KIAA1217: variants seen among roughly 807,000 people sequenced by gnomAD.
KIAA1217 encodes the protein sickle tail protein homolog.
In KIAA1217, 88 loss-of-function variants were observed where a neutral mutation model predicts 163.9. The observed-to-expected ratio is 0.54, with a 90% CI of 0.45 to 0.64. KIAA1217 has a LOEUF of 0.64. Among genes scored for constraint, KIAA1217 ranks in the 30% least tolerant of loss-of-function variants. The probability of loss-of-function intolerance (pLI) is 0.00; values close to 1 mark genes in which losing one functional copy is unlikely to be tolerated. For missense variants in KIAA1217, 2,372 were observed against 2,475.0 expected, an observed-to-expected ratio of 0.96 and a Z score of 0.88; for synonymous variants, 903 against 923.1, an observed-to-expected ratio of 0.98 and a Z score of 0.39.
chr10:23,904,805 C>T (rs111414713), intron 1 of KIAA1217, among the ~76,000 whole-genome samples: 2,291 of 152,108 alleles, frequency 0.015, 59 homozygotes, highest in African/African-American at 0.052. Flanking sequence ...ATCTTATTGA[C>T]CATTTAATCT....
intron 1 of KIAA1217, among the ~76,000 whole-genome samples, chr10:23,940,891 T>C (rs7917288): frequency 0.16 from 25,116 of 152,266 alleles, 4,605 homozygotes; most frequent in African/African-American, 0.46. Flanking sequence ...TTACAAACTC[T>C]TTCTGACTAC....
chr10:24,461,456 G>T (rs1016101843), intron 5 of KIAA1217, among the ~76,000 whole-genome samples: 1 of 152,134 alleles, frequency 6.6e-6, no homozygotes, highest in East Asian at 1.9e-4. Context: ...CCAGGTTCCA[G>T]CAATTCTCCT....
chr10:23,746,596 T>G (rs1839431031), intron 1 of KIAA1217, among the ~76,000 whole-genome samples: 1 of 151,978 alleles, frequency 6.6e-6, no homozygotes, highest in Admixed American at 6.6e-5. Context: ...GCTAATTTTT[T>G]GTATTTTTAG....
At chr10:24,345,035 C>A (rs1336189) in intron 2 of KIAA1217, among the ~76,000 whole-genome samples, 63,702 of 152,040 alleles carry the variant, frequency 0.42, 13,703 homozygotes, top group South Asian at 0.59. Flanking sequence ...TAGTTCCACA[C>A]CCCAGTCAGA....
intron 1 of KIAA1217, among the ~76,000 whole-genome samples, chr10:23,973,788 A>G (rs987280187): frequency 1.3e-5 from 2 of 151,784 alleles, no homozygotes; most frequent in Non-Finnish European, 2.9e-5. Flanking sequence ...TCTGTCAGCA[A>G]TTTTTTTCCT....
chr10:24,500,184 A>AGTTGT (rs113715645), intron 8 of KIAA1217, among the ~76,000 whole-genome samples: 1 of 143,158 alleles, frequency 7.0e-6, no homozygotes, highest in South Asian at 2.3e-4. Flanking sequence ...ACTGAACAGA[A>AGTTGT]GTGTGTGTGT....
intron 2 of KIAA1217, among the ~76,000 whole-genome samples, chr10:24,254,757 G>A (rs1217899221): frequency 1.3e-5 from 2 of 152,114 alleles, no homozygotes; most frequent in African/African-American, 4.8e-5. Flanking sequence ...TATGAATTAG[G>A]TAAAGATCTG....
intron 2 of KIAA1217, among the ~76,000 whole-genome samples, chr10:24,339,411 C>G (rs1275104030): frequency 6.6e-6 from 1 of 152,092 alleles, no homozygotes; most frequent in East Asian, 1.9e-4. Context: ...GGAAGGAAAT[C>G]CCATGTCACC....
intron 2 of KIAA1217, among the ~76,000 whole-genome samples, chr10:24,128,763 CTT>C (rs1589603577): frequency 6.6e-6 from 1 of 152,182 alleles, no homozygotes; most frequent in East Asian, 1.9e-4. Context: ...GTTTATCAAG[CTT>C]GAACTGGGAG....
intron 2 of KIAA1217, among the ~76,000 whole-genome samples, chr10:24,170,982 T>A (rs116316566): frequency 1.3e-5 from 2 of 152,314 alleles, no homozygotes; most frequent in South Asian, 4.1e-4. Context: ...CAAATTCCAA[T>A]GTTGTTTTCT....
rs1838959104 is a variant in KIAA1217 at position 23,739,021 on chromosome 10, G to T, written c.-321+43787G>T. Among the ~76,000 whole-genome samples, 5 of 152,082 alleles carry T rather than the reference G, an allele frequency of 3.3e-5. No homozygotes were observed. In the South Asian group the frequency reaches 1.0e-3, roughly 32 times the overall value. On this transcript the variant is annotated intron_variant, in intron 1 of 18. Coordinates refer to the KIAA1217 transcript ENST00000376462. The stretch of plus-strand genomic sequence containing the variant: ...TAAACTGAGAAGGTAAAGAATGATT[G>T]GATAAAGAAAATATGATATATATGC...
intron 1 of KIAA1217, among the ~76,000 whole-genome samples, chr10:24,215,649 C>T (rs184604070): frequency 6.6e-6 from 1 of 152,310 alleles, no homozygotes; most frequent in East Asian, 1.9e-4. Flanking sequence ...ACCACATTCT[C>T]CTTAAATGGC....
intron 6 of KIAA1217, among the ~76,000 whole-genome samples, chr10:24,487,501 G>A (rs2065563413): frequency 6.6e-6 from 1 of 152,244 alleles, no homozygotes; most frequent in South Asian, 2.1e-4. Flanking sequence ...CTATTTATTA[G>A]AGAGAATACC....
At chr10:24,471,500 A>G (rs1039151794) in intron 5 of KIAA1217, among the ~76,000 whole-genome samples, 1 of 152,056 alleles carries the variant, frequency 6.6e-6, no homozygotes, top group African/African-American at 2.4e-5. Flanking sequence ...TCCCTTGCTA[A>G]ACACAGTAAC....
At chr10:24,435,400 TC>T (rs1374101523) in intron 4 of KIAA1217, among the ~76,000 whole-genome samples, 1 of 152,226 alleles carries the variant, frequency 6.6e-6, no homozygotes, top group East Asian at 1.9e-4. Flanking sequence ...AGTAATATAA[TC>T]CCACATACTG....
At position 24,437,289 on chromosome 10, in the gene KIAA1217, G is replaced by A. The variant is rs191366609; in HGVS notation, c.753-1097G>A. The stretch of plus-strand genomic sequence containing the variant: ...AGGGCTGCTGGTTCCCCCTCAAGCC[G>A]ACTTCTAACAAGCTACTGGAGCAAC... On this transcript the variant is annotated intron_variant, in intron 4 of 20. Coordinates refer to ENST00000376454, the MANE Select transcript of KIAA1217 (RefSeq NM_019590.5). Among the ~76,000 whole-genome samples, 26 of 152,176 alleles carry A rather than the reference G, an allele frequency of 1.7e-4. 1 individual carries two copies. Among genetic ancestry groups the A allele is most frequent in the African/African-American group, 5.3e-4 (22 of 41,522 alleles).
At chr10:24,003,654 G>A (rs1285229528) in intron 1 of KIAA1217, among the ~76,000 whole-genome samples, 3 of 152,142 alleles carry the variant, frequency 2.0e-5, no homozygotes, top group African/African-American at 7.2e-5. Flanking sequence ...TTTGCAAAAA[G>A]GGGTGGGTTT....
intron 1 of KIAA1217, among the ~76,000 whole-genome samples, chr10:23,948,570 G>C (rs76662380): frequency 0.016 from 2,467 of 152,186 alleles, 65 homozygotes; most frequent in African/African-American, 0.056. Context: ...GGGAAAAAAA[G>C]AGTTTCTGTA....
At chr10:24,282,405 T>A (rs754384882) in intron 2 of KIAA1217, among the ~76,000 whole-genome samples, 7 of 152,090 alleles carry the variant, frequency 4.6e-5, no homozygotes, top group Non-Finnish European at 8.8e-5. Context: ...ATGTTCCCCC[T>A]CCTTCAGGGT....
Sources: allele counts gnomAD v4.1 joint callset (sites outside exome capture counted in the v4.1 genomes callset), GRCh38; gene constraint gnomAD v4.1.1; transcripts MANE v1.5; gene names NCBI Gene and HGNC (gene_info 2026-07-23, HGNC 2026-07-21).